Variants in PDK3 observed in about 807,000 individuals in gnomAD.
PDK3 encodes pyruvate dehydrogenase kinase, isozyme 3.
Under a neutral mutation model 32.0 loss-of-function variants are expected in PDK3, and 12 were observed. That is an observed-to-expected ratio of 0.37 (90% CI 0.24 to 0.61). The LOEUF is 0.61. Among genes scored for constraint, PDK3 ranks in the 20% least tolerant of loss-of-function variants. The pLI is 0.65. For synonymous variants in PDK3, 122 were observed against 116.3 expected (o/e 1.05, Z -0.31); for missense variants, 188 against 316.9 (o/e 0.59, Z 3.09).
chrX:24,524,137 C>G (rs1005155109), intron 6 of PDK3, among the ~76,000 whole-genome samples: 1 of 112,257 alleles, frequency 8.9e-6, no homozygotes, highest in African/African-American at 3.2e-5. Flanking sequence ...CCATGCATCC[C>G]TTTCTGAGGT....
intron 1 of PDK3, among the ~76,000 whole-genome samples, chrX:24,491,301 GA>G (rs1258859756): frequency 1.2e-4 from 13 of 106,958 alleles, no homozygotes; most frequent in East Asian, 1.2e-3. Flanking sequence ...AAAGAAAAAA[GA>G]AAAAAAAATT....
chrX:24,470,639 A>C (rs1191047909), intron 1 of PDK3, among the ~76,000 whole-genome samples: 1 of 100,141 alleles, frequency 1.0e-5, no homozygotes, highest in Non-Finnish European at 2.0e-5. Flanking sequence ...GTGAGCCAAG[A>C]TCATGCCCTT....
intron 1 of PDK3, among the ~76,000 whole-genome samples, chrX:24,471,641 A>G (rs1260393415): frequency 1.8e-5 from 2 of 112,181 alleles, no homozygotes; most frequent in Admixed American, 1.9e-4. Context: ...TATCCACCTG[A>G]TTTGTCATGG....
At chrX:24,545,993 C>T (rs760618175) in exon 12 of PDK3, 2 of 112,136 alleles carry the variant, frequency 1.8e-5, no homozygotes, top group Non-Finnish European at 3.8e-5. Context: ...TGGACAGGTG[C>T]GTTCCTTAGA....
chrX:24,476,344 C>T (rs954927662), intron 1 of PDK3, among the ~76,000 whole-genome samples: 1 of 112,130 alleles, frequency 8.9e-6, no homozygotes, highest in African/African-American at 3.2e-5. Flanking sequence ...TCACCTTGAA[C>T]ACTATGTTGA....
At chrX:24,488,684 G>A (rs1319881511) in intron 1 of PDK3, among the ~76,000 whole-genome samples, 7 of 111,962 alleles carry the variant, frequency 6.3e-5, no homozygotes, top group Non-Finnish European at 1.3e-4. Context: ...GCAACAGAGA[G>A]AGACTCTGTC....
chrX:24,518,685 G>GA (rs1353885364), intron 5 of PDK3, among the ~76,000 whole-genome samples: 6 of 111,536 alleles, frequency 5.4e-5, no homozygotes, highest in African/African-American at 2.0e-4. Flanking sequence ...CGCTGTCTTG[G>GA]AAAAAATAGA....
chrX:24,529,843 T>C (rs1418527083), intron 9 of PDK3, among the ~76,000 whole-genome samples: 4 of 111,816 alleles, frequency 3.6e-5, no homozygotes, highest in Non-Finnish European at 1.9e-5. Flanking sequence ...GAAAACATAA[T>C]TTCCTCATTG....
chrX:24,543,196 C>G (rs1001103093), exon 12 of PDK3, among the ~76,000 whole-genome samples: 1 of 112,042 alleles, frequency 8.9e-6, no homozygotes, highest in African/African-American at 3.2e-5. Context: ...AGCCTCACTG[C>G]GTTTTGTATC....
chrX:24,510,645 C>T (rs754189868), intron 5 of PDK3, among the ~76,000 whole-genome samples: 50 of 112,177 alleles, frequency 4.5e-4, no homozygotes, highest in Middle Eastern at 4.6e-3. Flanking sequence ...CACACACACC[C>T]TTCCTGGCTG....
At chrX:24,505,656 T>G (rs747423592) in intron 5 of PDK3, among the ~76,000 whole-genome samples, 2 of 112,236 alleles carry the variant, frequency 1.8e-5, no homozygotes, top group Non-Finnish European at 3.8e-5. Context: ...TGAATTCACG[T>G]GTCTATAAAA....
chrX:24,484,897 A>G (rs1180628866), intron 1 of PDK3, among the ~76,000 whole-genome samples: 1 of 110,391 alleles, frequency 9.1e-6, no homozygotes, highest in Non-Finnish European at 1.9e-5. Flanking sequence ...TTTTTGCTGA[A>G]CCATTTGAGA....
intron 6 of PDK3, among the ~76,000 whole-genome samples, chrX:24,520,781 A>G (rs939198411): frequency 1.8e-5 from 2 of 112,174 alleles, no homozygotes; most frequent in African/African-American, 3.2e-5. Flanking sequence ...GAGATTATCC[A>G]TAGTGTAACT....
At chrX:24,530,437 TATTTAATCC>T (rs1922623427) in intron 9 of PDK3, among the ~76,000 whole-genome samples, 1 of 111,995 alleles carries the variant, frequency 8.9e-6, no homozygotes, top group African/African-American at 3.2e-5. Context: ...CTTGTTATAT[TATTTAATCC>T]TTATAGCAGC....
At chrX:24,479,464 A>G (rs774718002) in intron 1 of PDK3, among the ~76,000 whole-genome samples, 1 of 111,461 alleles carries the variant, frequency 9.0e-6, no homozygotes, top group East Asian at 2.8e-4. Context: ...GCTTGACTTC[A>G]GTGAAGCTAT....
At chrX:24,487,420 G>A (rs1921429861) in intron 1 of PDK3, among the ~76,000 whole-genome samples, 1 of 111,525 alleles carries the variant, frequency 9.0e-6, no homozygotes, top group African/African-American at 3.3e-5. Context: ...ACTACCTATT[G>A]GGTACTGTGC....
intron 5 of PDK3, among the ~76,000 whole-genome samples, chrX:24,506,812 T>C (rs974254221): frequency 2.6e-5 from 2 of 76,675 alleles, no homozygotes; most frequent in Non-Finnish European, 5.0e-5. Flanking sequence ...TTTTTTTTTT[T>C]TTTTTTTTTT....
intron 1 of PDK3, 28 bp from the exon 2 acceptor site, chrX:24,494,714 T>C (rs1190638883): frequency 4.4e-6 from 5 of 1,130,489 alleles, no homozygotes; most frequent in African/African-American, 3.6e-5. Context: ...GACTATAAAA[T>C]CATGGAACAT....
In PDK3 at chrX:24,505,280, G is replaced by C. The variant is rs764909872; in HGVS notation, c.577G>C (p.Val193Leu). The change falls in exon 5 of 11, where the codon GTG (valine) becomes CTG (leucine). Residue 193 changes from valine to leucine, a missense_variant. Transcript: ENST00000379162. ...AGGAAGTATCGATCCCACCTGTAAC[G>C]TGGCGGATGTGGTGAAAGGTAAGGA... ...HIGSIDPTCN[V>L]ADVVKDAYET... The C allele has an allele frequency of 3.4e-6, 4 of 1,192,098 alleles. No homozygotes were observed. The highest frequency in any genetic ancestry group is 4.6e-6 in the Non-Finnish European group (4 of 878,874).
Sources: gnomAD v4.1 joint callset for allele counts (sites outside exome capture counted in the v4.1 genomes callset) on GRCh38, gnomAD v4.1.1 for gene constraint, MANE v1.5 for transcripts, NCBI Gene and HGNC (gene_info 2026-07-23, HGNC 2026-07-21) for gene names.